Variants in MCF2L observed in about 807,000 individuals in gnomAD.
The protein encoded by MCF2L is MCF.2 cell line derived transforming sequence like.
In MCF2L, 97 loss-of-function variants were observed where a neutral mutation model predicts 153.4. The ratio of observed to expected loss-of-function variants is 0.63; its 90% CI spans 0.54 to 0.75. The LOEUF is 0.75. MCF2L is among the 30% of genes least tolerant of loss of function. MCF2L has a pLI of 0.00. For synonymous variants in MCF2L, 659 were observed against 632.2 expected, an observed-to-expected ratio of 1.04 and a Z score of -0.64; for missense variants, 1,347 against 1,495.2, an observed-to-expected ratio of 0.90 and a Z score of 1.64.
At chr13:112,894,849 G>A (rs1292879860) in intron 1 of MCF2L, among the ~76,000 whole-genome samples, 2 of 152,154 alleles carry the variant, frequency 1.3e-5, no homozygotes, top group Admixed American at 6.5e-5. Context: ...AGAGCGATGG[G>A]GGGCCAGTGT....
intron 1 of MCF2L, among the ~76,000 whole-genome samples, chr13:112,991,818 G>C (rs1449067097): frequency 6.6e-6 from 1 of 152,210 alleles, no homozygotes; most frequent in African/African-American, 2.4e-5. Flanking sequence ...GGCAGGATTT[G>C]GCTGGTTCTG....
chr13:112,906,625 G>A lies in MCF2L; in HGVS notation c.169+4254G>A, dbSNP rs1342377114. ...GCGTGGTCTTGCTTTTCAGTGGTGC[G>A]TAATGCGTTCTGGCTCTGGTGGGCC... On this transcript the variant is annotated intron_variant, in intron 2 of 29. Coordinates refer to the MCF2L transcript ENST00000375608. Among the ~76,000 whole-genome samples the A allele has an allele frequency of 4.6e-5, 7 of 152,238 alleles. No individual in the cohort carries two copies. The South Asian group carries it at 6.2e-4, about 13-fold the overall frequency.
At position 113,081,286 on chromosome 13, in the gene MCF2L, C is replaced by G; in HGVS notation, c.1875+7C>G. ...GCTGCTGTGCGTCCTGGAGGTGAGG[C>G]TGGACTCGGGGAGGGCCGACTGCCA... On this transcript the variant is annotated splice_region_variant and intron_variant, in intron 16 of 29. Transcript: ENST00000535094. 6.3e-7 allele frequency: 1 copy of G among 1,581,052 alleles called. No individual in the cohort carries two copies. Among genetic ancestry groups the G allele is most frequent in the Non-Finnish European group, 8.6e-7 (1 of 1,164,786 alleles).
chr13:113,060,452 T>A, intron 4 of MCF2L, 141 bp from the exon 5 acceptor site: 1 of 898,118 alleles, frequency 1.1e-6, no homozygotes, highest in Non-Finnish European at 1.7e-6. Flanking sequence ...ACCATGTTTA[T>A]CTCAGCATAA....
At chr13:112,986,968 A>G (rs1289342464) in intron 1 of MCF2L, among the ~76,000 whole-genome samples, 2 of 152,204 alleles carry the variant, frequency 1.3e-5, no homozygotes, top group Non-Finnish European at 2.9e-5. Context: ...GTCCTGCCCA[A>G]GGCTCCGGGG....
At chr13:112,979,813 G>A (rs2082341727) in intron 1 of MCF2L, 2 of 1,527,556 alleles carry the variant, frequency 1.3e-6, no homozygotes, top group Non-Finnish European at 1.8e-6. Context: ...CCCCTCTGCA[G>A]GTGTCCTCTC....
chr13:112,906,758 G>C (rs2081176907), intron 2 of MCF2L, among the ~76,000 whole-genome samples: 1 of 152,242 alleles, frequency 6.6e-6, no homozygotes. Flanking sequence ...CAACTTCCTT[G>C]CGCAGCAGAG....
chr13:113,066,841 C>T (rs892384406), intron 8 of MCF2L, among the ~76,000 whole-genome samples: 7 of 152,330 alleles, frequency 4.6e-5, no homozygotes, highest in East Asian at 1.9e-4. Context: ...GCGGCTTGTC[C>T]GGCAGGGCCG....
intron 27 of MCF2L, chr13:113,095,135 C>A: frequency 1.5e-6 from 2 of 1,306,716 alleles, no homozygotes; most frequent in Admixed American, 2.3e-5. Context: ...CATGGATTTG[C>A]ATTTGAAAAA....
intron 2 of MCF2L, among the ~76,000 whole-genome samples, chr13:112,923,367 C>T (rs1237343607): frequency 6.7e-6 from 1 of 148,506 alleles, no homozygotes; most frequent in Non-Finnish European, 1.5e-5. Context: ...GGGTTGACGC[C>T]ATTCTCCTGC....
chr13:113,051,519 A>C (rs2087326474), intron 4 of MCF2L, among the ~76,000 whole-genome samples: 1 of 152,186 alleles, frequency 6.6e-6, no homozygotes, highest in Non-Finnish European at 1.5e-5. Context: ...CAGGGGTGGG[A>C]GATCCAGAGG....
intron 2 of MCF2L, among the ~76,000 whole-genome samples, chr13:112,917,699 G>T: frequency 6.6e-6 from 1 of 152,196 alleles, no homozygotes; most frequent in East Asian, 1.9e-4. Flanking sequence ...GCCCTCCTTG[G>T]TGTCTTCCTG....
Position 113,062,367 on chromosome 13 carries a change from G to A in MCF2L, c.489+1655G>A, listed in dbSNP as rs371528780. On this transcript the variant is annotated intron_variant, in intron 5 of 29. Transcript: ENST00000535094. The stretch of plus-strand genomic sequence containing the variant: ...GGTGGCTTGTGCAGCTCAGCGCCCC[G>A]CAGACAGCTACTCTCTTGGTGGCTT... 4.4e-3 allele frequency among the ~76,000 whole-genome samples: 674 copies of A among 152,206 alleles called. 6 individuals are homozygous for A. The highest frequency in any genetic ancestry group is 6.6e-3 in the Non-Finnish European group (447 of 68,002).
chr13:113,069,642 C>T (rs1416275200), intron 8 of MCF2L, among the ~76,000 whole-genome samples: 3 of 152,000 alleles, frequency 2.0e-5, no homozygotes, highest in African/African-American at 7.3e-5. Flanking sequence ...AGCTGGAGTC[C>T]CAGCTACGCG....
Position 113,075,123 on chromosome 13 carries a change from T to G in MCF2L, c.1242T>G (p.Ser414=), listed in dbSNP as rs1273548579. 13 of 1,613,244 alleles carry G rather than the reference T, an allele frequency of 8.1e-6. No homozygotes were observed. Among genetic ancestry groups the G allele is most frequent in the Admixed American group, 3.3e-5 (2 of 60,020 alleles). ...TCCGGCACCTCTGTGACCAGTTCTCTGCGGAGATCGCAAGGAGGAGGGGGC... is the reference window on the plus strand; with the variant it reads ...TCCGGCACCTCTGTGACCAGTTCTCGGCGGAGATCGCAAGGAGGAGGGGGC... ...QELRHLCDQF[S]AEIARRRGLL... The change falls in exon 11 of 30, where the codon TCT becomes TCG. Residue 414 remains serine, a synonymous_variant. Transcript: ENST00000535094.
intron 1 of MCF2L, among the ~76,000 whole-genome samples, chr13:113,000,062 G>A (rs1399946329): frequency 6.6e-6 from 1 of 152,204 alleles, no homozygotes; most frequent in African/African-American, 2.4e-5. Context: ...AGGTGCATCG[G>A]CTGGTGCCGT....
chr13:112,951,909 G>A lies in MCF2L; in HGVS notation c.169+49538G>A, dbSNP rs2081698257. 6.6e-6 allele frequency among the ~76,000 whole-genome samples: 1 copy of A among 152,180 alleles called. No individual in the cohort carries two copies. Among genetic ancestry groups the A allele is most frequent in the African/African-American group, 2.4e-5 (1 of 41,426 alleles). On this transcript the variant is annotated intron_variant, in intron 2 of 29. Coordinates refer to the MCF2L transcript ENST00000375608. The surrounding 1 kb of genome is among the most constrained non-coding windows in gnomAD (Gnocchi z 4.8). The stretch of plus-strand genomic sequence containing the variant: ...ATCAGTTCACACCTATTCACTCTCT[G>A]TCAACAAACCCACATACACGCACCG...
intron 1 of MCF2L, among the ~76,000 whole-genome samples, chr13:112,900,988 T>G (rs2081114519): frequency 6.6e-6 from 1 of 151,932 alleles, no homozygotes; most frequent in South Asian, 2.1e-4. Context: ...AGCAGGGATT[T>G]CAGGTTGGAG....
At position 112,993,155 on chromosome 13, in the gene MCF2L, G is replaced by A. The variant is rs1481845642; in HGVS notation, c.80-21608G>A. Among the ~76,000 whole-genome samples the A allele has an allele frequency of 6.6e-6, 1 of 152,240 alleles. No individual in the cohort carries two copies. The highest frequency in any genetic ancestry group is 1.5e-5 in the Non-Finnish European group (1 of 68,052). The stretch of plus-strand genomic sequence containing the variant: ...GGAGAGGTAGCGCGGGGCATGGGGA[G>A]GCCACAGAGAGGCTGTACTGACAGA... On this transcript the variant is annotated intron_variant, in intron 1 of 29. Coordinates refer to ENST00000535094, the MANE Select transcript of MCF2L (RefSeq NM_001112732.3). This position sits in a 1 kb window ranked among gnomAD's most constrained non-coding sequence, Gnocchi z 4.6.
Sources: gnomAD v4.1 joint callset for allele counts (sites outside exome capture counted in the v4.1 genomes callset) on GRCh38, gnomAD v4.1.1 for gene constraint, Gnocchi (gnomAD v3.1) non-coding constraint, MANE v1.5 for transcripts, NCBI Gene and HGNC (gene_info 2026-07-23, HGNC 2026-07-21) for gene names.